The following ZC3H4 variants were observed in gnomAD, a reference collection of about 807,000 sequenced individuals.
The protein encoded by ZC3H4 is zinc finger CCCH-type containing 4.
In ZC3H4, 13 loss-of-function variants were observed where a neutral mutation model predicts 108.3. The observed-to-expected ratio is 0.12, with a 90% CI of 0.08 to 0.19. The LOEUF (loss-of-function observed/expected upper bound fraction) is 0.19, where lower values mean the gene tolerates loss of function less well. ZC3H4 is among the 10% of genes least tolerant of loss of function. The probability of loss-of-function intolerance (pLI) is 1.00; values close to 1 mark genes in which losing one functional copy is unlikely to be tolerated. For missense variants in ZC3H4, 1,734 were observed against 1,838.8 expected, an observed-to-expected ratio of 0.94 and a Z score of 1.04; for synonymous variants, 917 against 749.6, an observed-to-expected ratio of 1.22 and a Z score of -3.65.
At chr19:47,092,906 C>G (rs753380523) in intron 4 of ZC3H4, among the ~76,000 whole-genome samples, 1 of 151,466 alleles carries the variant, frequency 6.6e-6, no homozygotes. Flanking sequence ...CCAACGAATA[C>G]TGGGTAAAGT....
rs200531887 is a variant in ZC3H4 at position 47,066,896 on chromosome 19, G to A, written c.3372C>T (p.Arg1124=). ...SPPATAPYDP[R]VLAAGGLGQG... ...GGCCCAGTCCACCGGCCGCCAGCAC[G>A]CGGGGGTCGTAGGGAGCGGTGGCTG... Residue 1124 remains arginine, a synonymous_variant, in exon 15 of 15, where the codon CGC becomes CGT. Transcript: ENST00000253048. The A allele has an allele frequency of 3.1e-5, 49 of 1,597,912 alleles. No individual in the cohort carries two copies. Among genetic ancestry groups the A allele is most frequent in the Middle Eastern group, 3.3e-4 (2 of 6,050 alleles).
intron 2 of ZC3H4, among the ~76,000 whole-genome samples, chr19:47,111,289 C>T (rs987829965): frequency 6.6e-6 from 1 of 152,214 alleles, no homozygotes; most frequent in Non-Finnish European, 1.5e-5. Flanking sequence ...GAAACGGGGC[C>T]CCAACCTCGC....
chr19:47,070,879 C>T (rs537065158), intron 13 of ZC3H4, among the ~76,000 whole-genome samples: 33 of 152,246 alleles, frequency 2.2e-4, no homozygotes, highest in African/African-American at 7.0e-4. Flanking sequence ...CACTGCCCCA[C>T]GGCACCGTGT....
At chr19:47,083,268 C>G (rs2057556450) in intron 9 of ZC3H4, among the ~76,000 whole-genome samples, 4 of 149,646 alleles carry the variant, frequency 2.7e-5, no homozygotes, top group Admixed American at 2.7e-4. Context: ...CACCACTGCA[C>G]TCCAGCCTGG....
chr19:47,087,445 A>C (rs369730814), intron 5 of ZC3H4, among the ~76,000 whole-genome samples: 2 of 151,944 alleles, frequency 1.3e-5, no homozygotes, highest in Non-Finnish European at 2.9e-5. Flanking sequence ...CTTAAAAAAA[A>C]AAAGAGTGGC....
At chr19:47,069,022 AC>A in intron 14 of ZC3H4, 69 bp downstream of exon 14, 3 of 1,591,290 alleles carry the variant, frequency 1.9e-6, no homozygotes, top group Non-Finnish European at 2.6e-6. Flanking sequence ...AACCTGGAAC[AC>A]CCCACCACCG....
chr19:47,104,761 G>A (rs758359837), intron 2 of ZC3H4, among the ~76,000 whole-genome samples: 2 of 152,206 alleles, frequency 1.3e-5, no homozygotes, highest in African/African-American at 2.4e-5. Flanking sequence ...CCCGTGGAGT[G>A]GCAGGGCCTG....
At chr19:47,078,155 T>G (rs1463570875) in intron 11 of ZC3H4, among the ~76,000 whole-genome samples, 3 of 152,186 alleles carry the variant, frequency 2.0e-5, no homozygotes, top group Admixed American at 2.0e-4. Context: ...CCCCCTAAAC[T>G]ATCTCTATTT....
At chr19:47,071,282 C>T (rs1401979982) in intron 13 of ZC3H4, among the ~76,000 whole-genome samples, 4 of 152,206 alleles carry the variant, frequency 2.6e-5, no homozygotes, top group Non-Finnish European at 4.4e-5. Context: ...TCTCCTATGG[C>T]TGCAGCAGCG....
chr19:47,067,965 C>CT lies in ZC3H4; in HGVS notation c.2399-97dup. On this transcript the variant is annotated intron_variant, in intron 14 of 14. Transcript: ENST00000253048. The surrounding 1 kb of genome is among the most constrained non-coding windows in gnomAD (Gnocchi z 6.4). ...CAGCCCACCGTGAGCAGCTCCTTTG[C>CT]TTGTGCCTCTCAGAACCTCAGGTCC... 8.1e-7 allele frequency: 1 copy of CT among 1,234,818 alleles called. No individual in the cohort carries two copies. The highest frequency in any genetic ancestry group is 1.1e-6 in the Non-Finnish European group (1 of 883,862). The allele number at this position is 1,234,818 out of a possible 1,614,324, so 76.5% of individuals were successfully genotyped here.
chr19:47,069,359 A>C lies in ZC3H4; in HGVS notation c.2147-16T>G. On this transcript the variant is annotated splice_polypyrimidine_tract_variant and intron_variant, in intron 13 of 14. Transcript: ENST00000253048. Reference sequence around the variant, plus strand: ...CCGTAGTCCTCTGTGGCAGGGAAGAACCGAGGGTTCATGTCGGGAAGGGCC... The same window carrying C: ...CCGTAGTCCTCTGTGGCAGGGAAGACCCGAGGGTTCATGTCGGGAAGGGCC... The C allele has an allele frequency of 6.2e-7, 1 of 1,608,828 alleles. No homozygotes were observed.
chr19:47,069,491 G>A (rs148428970), intron 13 of ZC3H4, 148 bp from the exon 14 acceptor site: 16 of 1,052,836 alleles, frequency 1.5e-5, no homozygotes, highest in Non-Finnish European at 2.0e-5. Flanking sequence ...GGTCTCAGGG[G>A]AACAGAGCGG....
intron 2 of ZC3H4, 138 bp downstream of exon 2, chr19:47,112,285 AC>A (rs2058050301): frequency 1.8e-6 from 2 of 1,106,394 alleles, no homozygotes; most frequent in Admixed American, 8.5e-5. Flanking sequence ...ATCGAGAGAC[AC>A]CCACCGACCC....
chr19:47,087,489 C>T (rs1319759028), intron 5 of ZC3H4, among the ~76,000 whole-genome samples: 1 of 151,740 alleles, frequency 6.6e-6, no homozygotes, highest in Admixed American at 6.6e-5. Context: ...AATCTCAGCA[C>T]TTTGGGAGGC....
intron 2 of ZC3H4, among the ~76,000 whole-genome samples, chr19:47,099,095 A>G (rs2057866717): frequency 1.3e-5 from 2 of 152,238 alleles, no homozygotes; most frequent in South Asian, 4.1e-4. Flanking sequence ...ACCAGCTAGC[A>G]TGAGGGCATC....
intron 4 of ZC3H4, 107 bp from the exon 5 acceptor site, chr19:47,090,296 A>G (rs2057709386): frequency 1.6e-6 from 2 of 1,244,370 alleles, no homozygotes; most frequent in Admixed American, 4.1e-5. Flanking sequence ...TCTGGGTGTC[A>G]CTACTGTCCC....
chr19:47,089,509 G>A (rs953455772), intron 5 of ZC3H4, among the ~76,000 whole-genome samples: 2 of 152,182 alleles, frequency 1.3e-5, no homozygotes, highest in Admixed American at 6.5e-5. Context: ...CAGGGCTACC[G>A]TGTCTCTGGT....
rs56352077 is a variant in ZC3H4 at position 47,086,654 on chromosome 19, T to G, written c.716-116A>C. 5.6e-5 allele frequency: 75 copies of G among 1,338,240 alleles called. 1 individual carries two copies. The South Asian group carries it at 1.1e-3, about 20-fold the overall frequency. The allele number at this position is 1,338,240 out of a possible 1,614,324, so 82.9% of individuals were successfully genotyped here. A position where few individuals can be genotyped will look rare whatever the true frequency, so the allele number is the denominator to read the frequency against. Reference sequence around the variant, plus strand: ...CACTTCAGCTGCCTCCTCCTCCTTCTCCTCCTCCTCCTCCTCCAAGAAGCC... The same window carrying G: ...CACTTCAGCTGCCTCCTCCTCCTTCGCCTCCTCCTCCTCCTCCAAGAAGCC... On this transcript the variant is annotated intron_variant, in intron 5 of 14. Transcript: ENST00000253048.
chr19:47,113,003 A>G (rs1387873885), intron 1 of ZC3H4, among the ~76,000 whole-genome samples: 1 of 152,078 alleles, frequency 6.6e-6, no homozygotes, highest in Non-Finnish European at 1.5e-5. Context: ...GAAAAAAAGG[A>G]TTTGAGGGAG....
Sources: gnomAD v4.1 joint callset for allele counts (sites outside exome capture counted in the v4.1 genomes callset) on GRCh38, gnomAD v4.1.1 for gene constraint, Gnocchi (gnomAD v3.1) non-coding constraint, MANE v1.5 for transcripts, NCBI Gene and HGNC (gene_info 2026-07-23, HGNC 2026-07-21) for gene names.